The following WDR37 variants were observed in gnomAD, a reference collection of about 807,000 sequenced individuals.
WDR37 encodes WD repeat-containing protein 37.
In WDR37, 19 loss-of-function variants were observed where a neutral mutation model predicts 62.9. The ratio of observed to expected loss-of-function variants is 0.30; its 90% CI spans 0.21 to 0.44. WDR37 has a LOEUF of 0.44. Among genes scored for constraint, WDR37 ranks in the 20% least tolerant of loss-of-function variants. The probability of loss-of-function intolerance (pLI) is 1.00; values close to 1 mark genes in which losing one functional copy is unlikely to be tolerated. For missense variants in WDR37, 474 were observed against 657.6 expected (o/e 0.72, Z 3.05); for synonymous variants, 250 against 260.9 (o/e 0.96, Z 0.40).
At position 1,103,724 on chromosome 10, in the gene WDR37, G is replaced by C. The variant is rs200708675; in HGVS notation, c.849G>C (p.Val283=). The C allele has an allele frequency of 3.8e-5, 62 of 1,614,254 alleles. No individual in the cohort carries two copies. The Admixed American group carries it at 1.0e-3, about 27-fold the overall frequency. ...PLTSLKSHQG[V]VIASDWLVGG... is the part of the protein sequence containing the mutation. ...CATCCCTCAAGAGCCACCAGGGCGT[G>C]GTCATCGCCTCCGACTGGCTGGTTG... The change falls in exon 10 of 14, where the codon GTG becomes GTC. Residue 283 remains valine (V), a synonymous_variant. Transcript: ENST00000263150. This position sits in a 1 kb window ranked among gnomAD's most constrained non-coding sequence, Gnocchi z 6.3.
At chr10:1,092,136 C>A (rs1264750008) in intron 7 of WDR37, among the ~76,000 whole-genome samples, 1 of 143,990 alleles carries the variant, frequency 6.9e-6, no homozygotes, top group African/African-American at 2.6e-5. Context: ...GCTGAGATCG[C>A]GCCACTGCAC....
At chr10:1,086,428 T>C in intron 7 of WDR37, 71 bp downstream of exon 7, 1 of 1,264,830 alleles carries the variant, frequency 7.9e-7, no homozygotes, top group Non-Finnish European at 1.1e-6. Flanking sequence ...AAATCGTGCA[T>C]GATAAAGCCA....
intron 1 of WDR37, among the ~76,000 whole-genome samples, chr10:1,071,382 AAAG>A (rs1456222673): frequency 6.6e-6 from 1 of 152,208 alleles, no homozygotes; most frequent in Non-Finnish European, 1.5e-5. Flanking sequence ...GTAGTTGAAG[AAAG>A]AAGATATGTG....
intron 11 of WDR37, among the ~76,000 whole-genome samples, chr10:1,117,826 G>A (rs957263870): frequency 3.3e-5 from 5 of 152,188 alleles, no homozygotes; most frequent in Admixed American, 1.3e-4. Context: ...TGTGAGGGTC[G>A]CCTGGCAGCC....
chr10:1,125,579 C>G (rs1282062304), intron 13 of WDR37, among the ~76,000 whole-genome samples: 2 of 152,216 alleles, frequency 1.3e-5, no homozygotes, highest in Non-Finnish European at 2.9e-5. Context: ...CTCTGTTTCA[C>G]AGGCATGCGG....
At chr10:1,124,052 C>T (rs74591529) in intron 11 of WDR37, 166 bp from the exon 12 acceptor site, 34,693 of 761,064 alleles carry the variant, frequency 0.046, 1,598 homozygotes, top group African/African-American at 0.2. Context: ...CCTTTTCTTG[C>T]ACTGGTGGAG....
chr10:1,094,814 G>T (rs192051072), intron 8 of WDR37, among the ~76,000 whole-genome samples: 3 of 152,186 alleles, frequency 2.0e-5, no homozygotes, highest in East Asian at 1.9e-4. Flanking sequence ...TTGGAAACGT[G>T]AGGTAATGGA....
At chr10:1,074,252 G>GTTCTAGA in intron 2 of WDR37, 1 of 1,054,528 alleles carries the variant, frequency 9.5e-7, no homozygotes, top group African/African-American at 1.7e-5. Context: ...CTCCCCTGCT[G>GTTCTAGA]GCATGTTCTA....
intron 1 of WDR37, among the ~76,000 whole-genome samples, chr10:1,060,889 A>T (rs1833352275): frequency 6.6e-6 from 1 of 152,238 alleles, no homozygotes; most frequent in South Asian, 2.1e-4. Flanking sequence ...GTACAGTAAC[A>T]TGCTGTGCAG....
At chr10:1,102,547 C>T (rs950067767) in intron 9 of WDR37, among the ~76,000 whole-genome samples, 15 of 145,374 alleles carry the variant, frequency 1.0e-4, no homozygotes, top group African/African-American at 2.9e-4. Flanking sequence ...GAAGGCGAAG[C>T]GGGAGAAGGC....
intron 3 of WDR37, among the ~76,000 whole-genome samples, chr10:1,078,427 A>G (rs1325990096): frequency 1.3e-5 from 2 of 152,166 alleles, no homozygotes; most frequent in Non-Finnish European, 2.9e-5. Context: ...TAATGGCCAT[A>G]TGTGCTTAAA....
chr10:1,097,980 T>C (rs1432317399), intron 9 of WDR37, among the ~76,000 whole-genome samples: 1 of 152,168 alleles, frequency 6.6e-6, no homozygotes, highest in Non-Finnish European at 1.5e-5. Context: ...GACTTGGGAC[T>C]TCACACCTTA....
At chr10:1,080,498 G>A (rs1444822365) in intron 5 of WDR37, 22 bp downstream of exon 5, 3 of 1,613,662 alleles carry the variant, frequency 1.9e-6, no homozygotes, top group Non-Finnish European at 2.5e-6. Context: ...ACTGGCTCTT[G>A]AGCCATCATG....
chr10:1,112,812 C>T (rs932222584), intron 11 of WDR37, among the ~76,000 whole-genome samples: 2 of 152,108 alleles, frequency 1.3e-5, no homozygotes, highest in African/African-American at 2.4e-5. Context: ...GAGGGAGCTG[C>T]GGAAGAAAAG....
At chr10:1,098,665 C>T (rs367878599) in intron 9 of WDR37, among the ~76,000 whole-genome samples, 307 of 152,276 alleles carry the variant, frequency 2.0e-3, no homozygotes, top group African/African-American at 6.9e-3. Flanking sequence ...TGTGGGCACG[C>T]GGCAGGATGG....
chr10:1,069,398 T>A lies in WDR37; in HGVS notation c.-40-2718T>A, dbSNP rs1172042368. ...ATATATATATATATATATTTTTTTT[T>A]TTTTTTTTTGCAGCAGGTGAATGGT... On this transcript the variant is annotated intron_variant, in intron 1 of 13. Transcript: ENST00000263150. 3.1e-3 allele frequency among the ~76,000 whole-genome samples: 433 copies of A among 141,176 alleles called. 8 individuals are homozygous for A. The highest frequency in any genetic ancestry group is 0.01 in the African/African-American group (396 of 38,768). The allele number at this position is 141,176 out of a possible 152,430, so 92.6% of individuals were successfully genotyped here.
chr10:1,061,415 A>G (rs1056573594), intron 1 of WDR37, among the ~76,000 whole-genome samples: 4 of 152,200 alleles, frequency 2.6e-5, no homozygotes. Flanking sequence ...TGAGCATCCT[A>G]ATCCAAAAAT....
At chr10:1,104,145 C>T (rs1031695198) in intron 10 of WDR37, among the ~76,000 whole-genome samples, 9 of 152,316 alleles carry the variant, frequency 5.9e-5, no homozygotes, top group Middle Eastern at 3.4e-3. Flanking sequence ...CAGGAATTGA[C>T]GGCCTCATGG....
intron 11 of WDR37, among the ~76,000 whole-genome samples, chr10:1,109,349 A>G (rs961590577): frequency 2.6e-5 from 4 of 152,232 alleles, no homozygotes; most frequent in African/African-American, 9.6e-5. Flanking sequence ...TTGCAAGTGC[A>G]TGTTTTCGCT....
Sources: allele counts gnomAD v4.1 joint callset (sites outside exome capture counted in the v4.1 genomes callset), GRCh38; gene constraint gnomAD v4.1.1; non-coding constraint Gnocchi (gnomAD v3.1); transcripts MANE v1.5; gene names NCBI Gene and HGNC (gene_info 2026-07-23, HGNC 2026-07-21).